Variants in GAS7 observed in about 807,000 individuals in gnomAD.
GAS7 encodes the protein growth arrest specific 7.
GAS7 carries 28 observed loss-of-function variants against 71.1 expected under a neutral mutation model. That is an observed-to-expected ratio of 0.39 (90% CI 0.29 to 0.54). The LOEUF (loss-of-function observed/expected upper bound fraction) is 0.54, where lower values mean the gene tolerates loss of function less well. GAS7 is among the 20% of genes least tolerant of loss of function. The pLI, the probability that GAS7 is intolerant of heterozygous loss-of-function variation, is 0.62. For missense variants in GAS7, 436 were observed against 627.8 expected (o/e 0.69, Z 3.27); for synonymous variants, 258 against 245.8 (o/e 1.05, Z -0.46).
chr17:10,191,483 G>C (rs2074499148), intron 1 of GAS7, among the ~76,000 whole-genome samples: 1 of 149,524 alleles, frequency 6.7e-6, no homozygotes, highest in Non-Finnish European at 1.5e-5. Context: ...TTGAGCCCAG[G>C]AGGTCAAGGC....
intron 1 of GAS7, among the ~76,000 whole-genome samples, chr17:10,157,571 C>T (rs1246519667): frequency 1.3e-5 from 2 of 152,228 alleles, no homozygotes; most frequent in African/African-American, 4.8e-5. Flanking sequence ...CACTGCTCTG[C>T]CCAATTTTGG....
At chr17:10,180,312 A>G (rs2074404595) in intron 1 of GAS7, among the ~76,000 whole-genome samples, 1 of 146,938 alleles carries the variant, frequency 6.8e-6, no homozygotes, top group Non-Finnish European at 1.5e-5. Flanking sequence ...GCCTGGAGGG[A>G]CAGAGCAAAA....
rs191069617 is a variant in GAS7 at position 10,034,595 on chromosome 17, C to T, written c.184-14698G>A. Among the ~76,000 whole-genome samples the T allele has an allele frequency of 3.4e-3, 511 of 152,314 alleles. 3 individuals carry two copies. Among genetic ancestry groups the T allele is most frequent in the Admixed American group, 4.6e-3 (71 of 15,308 alleles). ...AAGTGCTGGGATTACAGGCGTGAGCCACTGCGCCCGGCCCAATAATTCTAA... is the reference window on the plus strand; with the variant it reads ...AAGTGCTGGGATTACAGGCGTGAGCTACTGCGCCCGGCCCAATAATTCTAA... On this transcript the variant is annotated intron_variant, in intron 1 of 13. Transcript: ENST00000432992. This position sits in a 1 kb window ranked among gnomAD's most constrained non-coding sequence, Gnocchi z 4.4.
At chr17:10,004,274 A>G (rs1340544294) in intron 2 of GAS7, among the ~76,000 whole-genome samples, 3 of 152,192 alleles carry the variant, frequency 2.0e-5, no homozygotes, top group African/African-American at 7.2e-5. Context: ...CAGCACAGGG[A>G]AGGTATTTAG....
chr17:10,148,168 G>GT (rs1414950614), intron 1 of GAS7, among the ~76,000 whole-genome samples: 1 of 152,138 alleles, frequency 6.6e-6, no homozygotes, highest in African/African-American at 2.4e-5. Context: ...AAAGAACACA[G>GT]TTTTTTTGCA....
At chr17:10,075,282 G>C (rs1189427840) in intron 1 of GAS7, among the ~76,000 whole-genome samples, 1 of 151,948 alleles carries the variant, frequency 6.6e-6, no homozygotes, top group African/African-American at 2.4e-5. Flanking sequence ...CTTGAACCCA[G>C]GAGGCAGAGG....
rs774209141 is a variant in GAS7 at position 10,198,218 on chromosome 17, T to C, written c.173A>G (p.Gln58Arg). 10 of 1,607,948 alleles carry C rather than the reference T, an allele frequency of 6.2e-6. No homozygotes were observed. The highest frequency in any genetic ancestry group is 6.8e-6 in the Non-Finnish European group (8 of 1,179,322). The change falls in exon 1 of 14, where the codon CAG (glutamine) becomes CGG (arginine). Residue 58 changes from glutamine to arginine, a missense_variant. Gln to Arg is a conservative substitution (Grantham distance 43). Coordinates refer to ENST00000432992, the MANE Select transcript of GAS7 (RefSeq NM_201433.2). ...GCCCTCGCCCCTTACCTCCAGCAAC[T>C]GCACGTAGCTCGCCGGGAACCAGCC... ...LRGWFPASYVQLLEKPGMVPP... is the reference protein window; with the variant it reads ...LRGWFPASYVRLLEKPGMVPP...
intron 1 of GAS7, chr17:10,020,190 G>T (rs2072211319): frequency 3.5e-6 from 1 of 286,352 alleles, no homozygotes; most frequent in South Asian, 8.0e-5. Context: ...CGGCCCCCTA[G>T]AAAATCACTC....
chr17:10,175,755 C>T (rs1346935380), intron 1 of GAS7, among the ~76,000 whole-genome samples: 1 of 152,330 alleles, frequency 6.6e-6, no homozygotes, highest in South Asian at 2.1e-4. Flanking sequence ...CTGTCTTGGC[C>T]TCCCAAAGGG....
At chr17:10,194,905 C>T (rs547642446) in intron 1 of GAS7, among the ~76,000 whole-genome samples, 7 of 151,300 alleles carry the variant, frequency 4.6e-5, no homozygotes, top group East Asian at 1.9e-4. Context: ...TCCTGTCCCT[C>T]GTCATAGCAG....
At position 9,919,969 on chromosome 17, in the gene GAS7, T is replaced by TTGTGTGTGTGTGTGTGTG. The variant is rs34994635; in HGVS notation, c.1139-282_1139-265dup. ...AGGATTCAGGATGGTGGTTCTCATT[T>TTGTGTGTGTGTGTGTGTG]TGTGTGTGTGTGTGTGTGTGTGTGT... On this transcript the variant is annotated intron_variant, in intron 11 of 13. Transcript: ENST00000432992. This position sits in a 1 kb window ranked among gnomAD's most constrained non-coding sequence, Gnocchi z 5.0. Among the ~76,000 whole-genome samples the TTGTGTGTGTGTGTGTGTG allele has an allele frequency of 6.1e-4, 80 of 131,496 alleles. No individual in the cohort carries two copies. Among genetic ancestry groups the TTGTGTGTGTGTGTGTGTG allele is most frequent in the Middle Eastern group, 4.1e-3 (1 of 244 alleles). The allele number at this position is 131,496 out of a possible 152,430, so 86.3% of individuals were successfully genotyped here.
chr17:9,990,325 T>C (rs1025561961), intron 2 of GAS7, among the ~76,000 whole-genome samples: 3 of 151,708 alleles, frequency 2.0e-5, no homozygotes, highest in Non-Finnish European at 2.9e-5. Flanking sequence ...GGAGCCAAAG[T>C]TCCTTGCCAC....
chr17:10,073,001 GC>G (rs2073357195), intron 1 of GAS7, among the ~76,000 whole-genome samples: 1 of 152,198 alleles, frequency 6.6e-6, no homozygotes, highest in Admixed American at 6.5e-5. Context: ...CTAACCCAGG[GC>G]AGGTGGCACG....
intron 1 of GAS7, among the ~76,000 whole-genome samples, chr17:10,188,499 A>C (rs2074473638): frequency 1.3e-5 from 2 of 152,268 alleles, no homozygotes; most frequent in Admixed American, 1.3e-4. Context: ...GAAGCTCAGG[A>C]CCATTTCCTT....
At chr17:10,187,229 C>G (rs2074462186) in intron 1 of GAS7, among the ~76,000 whole-genome samples, 1 of 152,192 alleles carries the variant, frequency 6.6e-6, no homozygotes, top group Non-Finnish European at 1.5e-5. Context: ...ATTCCACACA[C>G]TGGGCGTTCC....
intron 1 of GAS7, among the ~76,000 whole-genome samples, chr17:10,043,142 A>G (rs1160244441): frequency 6.6e-6 from 1 of 152,142 alleles, no homozygotes; most frequent in African/African-American, 2.4e-5. Context: ...AAGCAGTGGG[A>G]GAAGAATTAT....
At chr17:10,080,999 TAAC>T (rs1303589428) in intron 1 of GAS7, among the ~76,000 whole-genome samples, 1 of 152,172 alleles carries the variant, frequency 6.6e-6, no homozygotes, top group Admixed American at 6.5e-5. Context: ...AAATAAGTAA[TAAC>T]AAGATGACAG....
In GAS7 at chr17:10,006,944, A is replaced by C. The variant is rs565498442; in HGVS notation, c.304+12833T>G. 1.3e-4 allele frequency among the ~76,000 whole-genome samples: 20 copies of C among 152,294 alleles called. No homozygotes were observed. In the South Asian group the frequency reaches 3.9e-3, roughly 30 times the overall value. The stretch of plus-strand genomic sequence containing the variant: ...GTTTGTCTTCAATAGCTCCACCATG[A>C]GATTCTACAATTGTTTATGATTATA... On this transcript the variant is annotated intron_variant, in intron 2 of 13. Transcript: ENST00000432992.
Position 10,103,907 on chromosome 17 carries a change from C to T in GAS7, c.184-84010G>A, listed in dbSNP as rs1270652671. 1.3e-5 allele frequency among the ~76,000 whole-genome samples: 2 copies of T among 152,020 alleles called. No homozygotes were observed. The highest frequency in any genetic ancestry group is 2.4e-5 in the African/African-American group (1 of 41,394). On this transcript the variant is annotated intron_variant, in intron 1 of 13. Transcript: ENST00000432992. This position sits in a 1 kb window ranked among gnomAD's most constrained non-coding sequence, Gnocchi z 5.5. ...TCATCAACCCACAGCCCAAATTCAT[C>T]CTATCCTACCCACATCAGAGCCCAC...
Sources: gnomAD v4.1 joint callset for allele counts (sites outside exome capture counted in the v4.1 genomes callset) on GRCh38, gnomAD v4.1.1 for gene constraint, Gnocchi (gnomAD v3.1) non-coding constraint, MANE v1.5 for transcripts, NCBI Gene and HGNC (gene_info 2026-07-23, HGNC 2026-07-21) for gene names.